The following GPR39 variants were observed in gnomAD, a reference collection of about 807,000 sequenced individuals.
GPR39 encodes the protein zinc sensing receptor.
GPR39 carries 23 observed loss-of-function variants against 18.4 expected under a neutral mutation model. That is an observed-to-expected ratio of 1.25 (90% CI 0.90 to 1.77). The LOEUF is 1.77. Among genes scored for constraint, GPR39 ranks in the 40% most tolerant of loss-of-function variants. GPR39 has a pLI of 0.00. For synonymous variants in GPR39, 280 were observed against 257.9 expected, an observed-to-expected ratio of 1.09 and a Z score of -0.82; for missense variants, 647 against 602.4, an observed-to-expected ratio of 1.07 and a Z score of -0.78.
chr2:132,476,592 T>C lies in GPR39; in HGVS notation c.856+58694T>C, dbSNP rs182334918. Among the ~76,000 whole-genome samples the C allele has an allele frequency of 1.8e-3, 214 of 121,796 alleles. 1 individual carries two copies. Among genetic ancestry groups the C allele is most frequent in the African/African-American group, 5.6e-3 (172 of 30,764 alleles). 79.9% of individuals were successfully genotyped at this position (121,796 alleles called of 152,430 possible). A position where few individuals can be genotyped will look rare whatever the true frequency, so the allele number is the denominator to read the frequency against. On this transcript the variant is annotated intron_variant, in intron 1 of 1. Coordinates refer to ENST00000329321, the MANE Select transcript of GPR39 (RefSeq NM_001508.3). Reference sequence around the variant, plus strand: ...TGGAGGTTGCAGTGAGCCGAGATCATGCCACTGCACTCCAGCCTGGGTAAC... The same window carrying C: ...TGGAGGTTGCAGTGAGCCGAGATCACGCCACTGCACTCCAGCCTGGGTAAC...
At chr2:132,490,386 G>A (rs113850464) in intron 1 of GPR39, among the ~76,000 whole-genome samples, 5,354 of 151,776 alleles carry the variant, frequency 0.035, 374 homozygotes, top group African/African-American at 0.12. Context: ...GCTTGTCCTC[G>A]GAATTCTTTA....
chr2:132,603,709 C>T (rs2315509), intron 1 of GPR39, among the ~76,000 whole-genome samples: 32,359 of 151,974 alleles, frequency 0.21, 3,665 homozygotes, highest in African/African-American at 0.26. Flanking sequence ...CATTTGTGGG[C>T]GTGCGTGTGC....
chr2:132,516,340 A>G (rs1042435135), intron 1 of GPR39, among the ~76,000 whole-genome samples: 2 of 152,314 alleles, frequency 1.3e-5, no homozygotes, highest in African/African-American at 2.4e-5. Context: ...CATTGGGAGC[A>G]GCAAGATTCC....
chr2:132,516,942 G>C (rs1433716505), intron 1 of GPR39, among the ~76,000 whole-genome samples: 1 of 152,198 alleles, frequency 6.6e-6, no homozygotes, highest in African/African-American at 2.4e-5. Context: ...TGATACCAGT[G>C]CTCATTTAGA....
rs1169087160 is a variant in GPR39, at chr2:132,492,983, TATACACCATAG to T, written c.856+75089_856+75099del. ...ATATATACACCATATATACACCATA[TATACACCATAG>T]ATATACCATATATACACTATATATA... On this transcript the variant is annotated intron_variant, in intron 1 of 1. Transcript: ENST00000329321. Among the ~76,000 whole-genome samples, 1,387 of 143,636 alleles carry T rather than the reference TATACACCATAG, an allele frequency of 9.7e-3. 22 individuals are homozygous for T. The highest frequency in any genetic ancestry group is 0.033 in the African/African-American group (1,283 of 39,412). 94.2% of individuals were successfully genotyped at this position (143,636 alleles called of 152,430 possible).
intron 1 of GPR39, among the ~76,000 whole-genome samples, chr2:132,535,694 G>GTTTTTTTTTTTTTTTTTTTTT (rs1252242856): frequency 1.5e-4 from 9 of 60,966 alleles, no homozygotes; most frequent in East Asian, 2.4e-3. Flanking sequence ...CTGGTCCTGG[G>GTTTTTTTTTTTTTTTTTTTTT]CTTTTTTTTT....
intron 1 of GPR39, among the ~76,000 whole-genome samples, chr2:132,628,919 A>C (rs1425880806): frequency 6.6e-6 from 1 of 152,188 alleles, no homozygotes; most frequent in African/African-American, 2.4e-5. Context: ...GTGCTGGAAC[A>C]CAGCCCTTGC....
Position 132,645,825 on chromosome 2 carries a change from CTCCT to C in GPR39, c.*226_*229del. On this transcript the variant is annotated 3_prime_UTR_variant, in exon 2 of 2. Transcript: ENST00000329321. ...ACATGGGGGTGAACTTTCACTCCAC[CTCCT>C]TCCTTCAAGTACATACTGAAAATTC... 1.5e-6 allele frequency: 1 copy of C among 685,504 alleles called. No homozygotes were observed. The highest frequency in any genetic ancestry group is 2.0e-5 in the South Asian group (1 of 48,858). 42.5% of individuals were successfully genotyped at this position (685,504 alleles called of 1,614,324 possible). A position where few individuals can be genotyped will look rare whatever the true frequency, so the allele number is the denominator to read the frequency against.
chr2:132,478,493 A>G (rs1331165757), intron 1 of GPR39, among the ~76,000 whole-genome samples: 2 of 152,224 alleles, frequency 1.3e-5, no homozygotes, highest in African/African-American at 2.4e-5. Flanking sequence ...TTGTATAACC[A>G]TTGGTTGGCC....
chr2:132,485,121 A>C (rs1228167137), intron 1 of GPR39, among the ~76,000 whole-genome samples: 2 of 152,252 alleles, frequency 1.3e-5, no homozygotes, highest in African/African-American at 4.8e-5. Context: ...CAAATGTTGA[A>C]ATTAAACAAG....
intron 1 of GPR39, among the ~76,000 whole-genome samples, chr2:132,455,588 G>T (rs534737681): frequency 1.3e-5 from 2 of 152,046 alleles, no homozygotes; most frequent in South Asian, 2.1e-4. Context: ...GTCAATTTTC[G>T]ATCTTTCCTG....
At chr2:132,580,409 C>T (rs749325394) in intron 1 of GPR39, among the ~76,000 whole-genome samples, 34 of 151,980 alleles carry the variant, frequency 2.2e-4, no homozygotes, top group South Asian at 2.1e-4. Context: ...AGGAAAGTGC[C>T]GGTGGCTGAG....
intron 1 of GPR39, among the ~76,000 whole-genome samples, chr2:132,541,521 C>T (rs1311648732): frequency 6.6e-6 from 1 of 152,230 alleles, no homozygotes; most frequent in African/African-American, 2.4e-5. Flanking sequence ...ATCCATACCG[C>T]TCTCTCCTTC....
chr2:132,612,713 C>T (rs542369077), intron 1 of GPR39, among the ~76,000 whole-genome samples: 1 of 152,170 alleles, frequency 6.6e-6, no homozygotes, highest in Admixed American at 6.5e-5. Flanking sequence ...AATATCACAC[C>T]ATCTTCATTA....
intron 1 of GPR39, among the ~76,000 whole-genome samples, chr2:132,584,100 G>C (rs956657899): frequency 2.6e-5 from 4 of 152,052 alleles, no homozygotes; most frequent in Non-Finnish European, 5.9e-5. Context: ...GAATTTTAGT[G>C]GCCTTTGGAG....
intron 1 of GPR39, among the ~76,000 whole-genome samples, chr2:132,425,468 A>G (rs2104755229): frequency 6.6e-6 from 1 of 152,296 alleles, no homozygotes; most frequent in East Asian, 1.9e-4. Flanking sequence ...TGTGATCCTC[A>G]GGCAGCTCTC....
chr2:132,565,763 G>GT (rs1187551082), intron 1 of GPR39, among the ~76,000 whole-genome samples: 1 of 145,856 alleles, frequency 6.9e-6, no homozygotes, highest in Non-Finnish European at 1.5e-5. Context: ...GTATTCCATG[G>GT]TGTATATGTG....
At chr2:132,575,073 A>C (rs1236744488) in intron 1 of GPR39, among the ~76,000 whole-genome samples, 1 of 152,096 alleles carries the variant, frequency 6.6e-6, no homozygotes, top group Non-Finnish European at 1.5e-5. Context: ...CAAATATAAT[A>C]TTTGTAATCT....
chr2:132,620,660 CCAGA>C (rs1220022391), intron 1 of GPR39, among the ~76,000 whole-genome samples: 2 of 152,196 alleles, frequency 1.3e-5, no homozygotes, highest in African/African-American at 4.8e-5. Flanking sequence ...CTAGGTTTGC[CCAGA>C]CACTTCCCCT....
Sources: gnomAD v4.1 joint callset for allele counts (sites outside exome capture counted in the v4.1 genomes callset) on GRCh38, gnomAD v4.1.1 for gene constraint, MANE v1.5 for transcripts, NCBI Gene and HGNC (gene_info 2026-07-23, HGNC 2026-07-21) for gene names.